CADM1: variants seen among roughly 807,000 people sequenced by gnomAD.
CADM1 encodes TSLC-1.
CADM1 carries 15 observed loss-of-function variants against 53.1 expected under a neutral mutation model. The observed-to-expected ratio is 0.28, with a 90% confidence interval of 0.19 to 0.44. CADM1 has a LOEUF of 0.44. Ranked by LOEUF, CADM1 falls within the 20% of genes least tolerant of loss-of-function variation. The pLI is 1.00. For missense variants in CADM1, 434 were observed against 611.3 expected, an observed-to-expected ratio of 0.71 and a Z score of 3.06; for synonymous variants, 281 against 243.0, an observed-to-expected ratio of 1.16 and a Z score of -1.45.
rs372592095 is a variant in CADM1, at chr11:115,238,585, G to A, written c.339C>T (p.Asn113=). 9 of 1,613,562 alleles carry A rather than the reference G, an allele frequency of 5.6e-6. No homozygotes were observed. Among genetic ancestry groups the A allele is most frequent in the African/African-American group, 5.3e-5 (4 of 74,870 alleles). The change falls in exon 3 of 12, where the codon AAC becomes AAT. Residue 113 remains asparagine, a synonymous_variant. Transcript: ENST00000331581. ...SSSELKVSLT[N]VSISDEGRYF... ...ATCTTCCTTCATCAGAAATTGAGAC[G>A]TTTGTCAATGATACTTTGAGTTCAC...
At chr11:115,498,355 T>TA (rs1286985192) in intron 1 of CADM1, among the ~76,000 whole-genome samples, 1 of 152,220 alleles carries the variant, frequency 6.6e-6, no homozygotes, top group East Asian at 1.9e-4. Context: ...CAAAGGTATT[T>TA]ATACCATGGA....
At position 115,456,174 on chromosome 11, in the gene CADM1, T is replaced by G. The variant is rs545326956; in HGVS notation, c.124+48097A>C. On this transcript the variant is annotated intron_variant, in intron 1 of 11. Coordinates refer to ENST00000331581, the MANE Select transcript of CADM1 (RefSeq NM_001301043.2). ...CCCTTAAAGATAATACACCCAAAGA[T>G]GCATTATTGCCATTAAAGGAGATAA... Among the ~76,000 whole-genome samples the G allele has an allele frequency of 5.9e-5, 9 of 152,254 alleles. No homozygotes were observed. In the South Asian group the frequency reaches 1.9e-3, roughly 32 times the overall value.
At chr11:115,361,934 C>A (rs919425383) in intron 1 of CADM1, among the ~76,000 whole-genome samples, 1 of 151,934 alleles carries the variant, frequency 6.6e-6, no homozygotes, top group Non-Finnish European at 1.5e-5. Context: ...GAGTTGAAGT[C>A]TCTCTCTGTT....
At chr11:115,473,837 A>G (rs1949068513) in intron 1 of CADM1, among the ~76,000 whole-genome samples, 1 of 152,130 alleles carries the variant, frequency 6.6e-6, no homozygotes. Flanking sequence ...AAATTAATAA[A>G]CTGGACTTTA....
Position 115,436,277 on chromosome 11 carries a change from A to C in CADM1, c.124+67994T>G, listed in dbSNP as rs369499354. On this transcript the variant is annotated intron_variant, in intron 1 of 11. Transcript: ENST00000331581. Reference sequence around the variant, plus strand: ...TTTTTCTAATTCTGGTATCTTTTATAGATTTTTATGTAAGATTTTATTTTT... The same window carrying C: ...TTTTTCTAATTCTGGTATCTTTTATCGATTTTTATGTAAGATTTTATTTTT... Among the ~76,000 whole-genome samples, 32 of 152,338 alleles carry C rather than the reference A, an allele frequency of 2.1e-4. No homozygotes were observed. The South Asian group carries it at 5.6e-3, about 27-fold the overall frequency.
intron 1 of CADM1, among the ~76,000 whole-genome samples, chr11:115,452,687 G>A (rs1170218354): frequency 6.6e-6 from 1 of 152,118 alleles, no homozygotes. Context: ...ATAAAAATAA[G>A]ACCAGCACAA....
intron 1 of CADM1, among the ~76,000 whole-genome samples, chr11:115,361,890 T>TTTTTGTTTTG (rs541768138): frequency 1.6e-4 from 14 of 86,906 alleles, no homozygotes; most frequent in Non-Finnish European, 2.9e-4. Flanking sequence ...CACACCCGAG[T>TTTTTGTTTTG]TTTTGTTTTG....
chr11:115,290,090 G>A (rs1443494372), intron 1 of CADM1, among the ~76,000 whole-genome samples: 7 of 152,172 alleles, frequency 4.6e-5, no homozygotes, highest in South Asian at 2.1e-4. Flanking sequence ...CAGTGCCTGG[G>A]AGGACTTCAG....
chr11:115,342,259 T>A (rs1397620926), intron 1 of CADM1, among the ~76,000 whole-genome samples: 5 of 152,208 alleles, frequency 3.3e-5, no homozygotes, highest in African/African-American at 1.2e-4. Context: ...ATTAAAGTAA[T>A]CATGGAGAAC....
At chr11:115,185,524 G>A (rs1263727946) in intron 10 of CADM1, among the ~76,000 whole-genome samples, 2 of 152,134 alleles carry the variant, frequency 1.3e-5, no homozygotes, top group African/African-American at 4.8e-5. Flanking sequence ...ATGAAAACAA[G>A]TGTTTTGGGT....
intron 1 of CADM1, among the ~76,000 whole-genome samples, chr11:115,403,494 T>C (rs1031421416): frequency 6.6e-6 from 1 of 152,252 alleles, no homozygotes; most frequent in Non-Finnish European, 1.5e-5. Flanking sequence ...TGTAAGATGT[T>C]AACATTTGGA....
intron 1 of CADM1, among the ~76,000 whole-genome samples, chr11:115,278,980 T>A (rs1299162916): frequency 6.6e-6 from 1 of 152,164 alleles, no homozygotes; most frequent in Non-Finnish European, 1.5e-5. Context: ...GAAAAGTAGA[T>A]AATGTGTTCC....
intron 1 of CADM1, among the ~76,000 whole-genome samples, chr11:115,271,377 G>A (rs1167635093): frequency 6.6e-6 from 1 of 152,100 alleles, no homozygotes; most frequent in South Asian, 2.1e-4. Context: ...CTGCCTCCCG[G>A]GTTCATGCCA....
chr11:115,325,384 G>A (rs905814081), intron 1 of CADM1, among the ~76,000 whole-genome samples: 33 of 152,162 alleles, frequency 2.2e-4, no homozygotes. Flanking sequence ...CAGCAGGAAA[G>A]CAGGGTGCTT....
chr11:115,369,327 A>G (rs1361135039), intron 1 of CADM1, among the ~76,000 whole-genome samples: 1 of 152,182 alleles, frequency 6.6e-6, no homozygotes, highest in East Asian at 1.9e-4. Context: ...ACATTAAGAA[A>G]GCTGTAATTT....
In CADM1 at chr11:115,245,974, C is replaced by T. The variant is rs549101101; in HGVS notation, c.125-5554G>A. Among the ~76,000 whole-genome samples, 573 of 152,152 alleles carry T rather than the reference C, an allele frequency of 3.8e-3. 3 individuals carry two copies. Among genetic ancestry groups the T allele is most frequent in the Non-Finnish European group, 6.1e-3 (418 of 68,006 alleles). On this transcript the variant is annotated intron_variant, in intron 1 of 11. Coordinates refer to ENST00000331581, the MANE Select transcript of CADM1 (RefSeq NM_001301043.2). ...AAAAGTAATTTGAAAATAAATTATT[C>T]GAAGTTCAAGCCACGAAAGCGTTTG...
chr11:115,239,498 G>C (rs1480780594), intron 2 of CADM1, among the ~76,000 whole-genome samples: 1 of 152,144 alleles, frequency 6.6e-6, no homozygotes, highest in Non-Finnish European at 1.5e-5. Context: ...TTTTGGCAAA[G>C]ACTAACTTAG....
chr11:115,208,550 G>T (rs939887498), intron 8 of CADM1, among the ~76,000 whole-genome samples: 1 of 152,162 alleles, frequency 6.6e-6, no homozygotes, highest in South Asian at 2.1e-4. Context: ...CCAGAGACAG[G>T]GGTGGGTACC....
intron 1 of CADM1, among the ~76,000 whole-genome samples, chr11:115,429,468 T>G (rs220834): frequency 1 from 151,904 of 151,912 alleles, 75,948 homozygotes; most frequent in Middle Eastern, 1. Flanking sequence ...ATCTGGGCGT[T>G]GCGGTGGGCA....
Sources: gnomAD v4.1 joint callset for allele counts (sites outside exome capture counted in the v4.1 genomes callset) on GRCh38, gnomAD v4.1.1 for gene constraint, MANE v1.5 for transcripts, NCBI Gene and HGNC (gene_info 2026-07-23, HGNC 2026-07-21) for gene names.